IP6K1: variants seen among roughly 807,000 people sequenced by gnomAD.
The protein encoded by IP6K1 is ATP:1D-myo-inositol-hexakisphosphate phosphotransferase.
In IP6K1, 13 loss-of-function variants were observed where a neutral mutation model predicts 38.3. That is an observed-to-expected ratio of 0.34 (90% CI 0.22 to 0.54). The LOEUF is 0.54. Ranked by LOEUF, IP6K1 falls within the 20% of genes least tolerant of loss-of-function variation. IP6K1 has a pLI of 0.92. For synonymous variants in IP6K1, 212 were observed against 229.9 expected, an observed-to-expected ratio of 0.92 and a Z score of 0.70; for missense variants, 397 against 599.8, an observed-to-expected ratio of 0.66 and a Z score of 3.53.
At chr3:49,776,835 A>C (rs2081020601) in intron 1 of IP6K1, among the ~76,000 whole-genome samples, 1 of 152,226 alleles carries the variant, frequency 6.6e-6, no homozygotes. Context: ...TAAGAAACGC[A>C]AATTTAATCT....
chr3:49,744,058 T>G (rs1217890118), intron 2 of IP6K1, among the ~76,000 whole-genome samples: 1 of 152,114 alleles, frequency 6.6e-6, no homozygotes, highest in Non-Finnish European at 1.5e-5. Flanking sequence ...GTTGTCTGCC[T>G]AATGGTGACT....
At chr3:49,763,165 G>A (rs1301390850) in intron 1 of IP6K1, among the ~76,000 whole-genome samples, 1 of 146,148 alleles carries the variant, frequency 6.8e-6, no homozygotes, top group East Asian at 2.0e-4. Context: ...GTGTAGTGGC[G>A]CAATCTCGGC....
Position 49,731,887 on chromosome 3 carries a change from C to CAAAAAAAAA in IP6K1, c.616+895_616+903dup, listed in dbSNP as rs71080545. Among the ~76,000 whole-genome samples the CAAAAAAAAA allele has an allele frequency of 8.3e-4, 54 of 65,320 alleles. 4 individuals carry two copies. The highest frequency in any genetic ancestry group is 5.6e-3 in the Admixed American group (25 of 4,494). The allele number at this position is 65,320 out of a possible 152,430, so 42.9% of individuals were successfully genotyped here. A position where few individuals can be genotyped will look rare whatever the true frequency, so the allele number is the denominator to read the frequency against. On this transcript the variant is annotated intron_variant, in intron 4 of 5. Transcript: ENST00000321599. ...TGGGTAACAGAGTGAGACTCTGTCT[C>CAAAAAAAAA]AAAAAAAAAAAAAAAAAAGGAATTC...
chr3:49,748,763 C>T (rs901800493), intron 1 of IP6K1: 2 of 152,750 alleles, frequency 1.3e-5, no homozygotes, highest in East Asian at 1.9e-4. Context: ...TTCCACAGAA[C>T]GGGTGTGGGG....
chr3:49,769,447 G>A (rs2080939203), intron 1 of IP6K1, among the ~76,000 whole-genome samples: 1 of 152,116 alleles, frequency 6.6e-6, no homozygotes, highest in Non-Finnish European at 1.5e-5. Flanking sequence ...TCACAAACAG[G>A]CCCATATCTA....
intron 4 of IP6K1, 86 bp from the exon 5 acceptor site, chr3:49,728,364 GC>G (rs2080530892): frequency 7.6e-7 from 1 of 1,313,104 alleles, no homozygotes; most frequent in Non-Finnish European, 1.1e-6. Context: ...ATAAAAGGGG[GC>G]TTTTACCTAA....
At chr3:49,747,493 C>G (rs1464475150) in intron 2 of IP6K1, among the ~76,000 whole-genome samples, 5 of 152,160 alleles carry the variant, frequency 3.3e-5, no homozygotes, top group Non-Finnish European at 7.3e-5. Context: ...CATTCCGCCT[C>G]CGGGACGAGA....
In IP6K1 at chr3:49,738,283, G is replaced by A; in HGVS notation, c.363C>T (p.Ser121=). Residue 121 remains serine (S), a synonymous_variant, in exon 3 of 6, where the codon AGC becomes AGT. Coordinates refer to ENST00000321599, the MANE Select transcript of IP6K1 (RefSeq NM_153273.4). ...EQPRRKHSRR[S]LHRSGSGSDH... is the part of the protein sequence containing the mutation. ...CACTGCCACTGCCTGACCGGTGCAG[G>A]CTCCGGCGGGAGTGTTTGCGCCGAG... 6 of 1,614,212 alleles carry A rather than the reference G, an allele frequency of 3.7e-6. No homozygotes were observed. The highest frequency in any genetic ancestry group is 5.1e-6 in the Non-Finnish European group (6 of 1,180,038).
At chr3:49,780,309 TACACACACAC>T (rs71080553) in intron 1 of IP6K1, among the ~76,000 whole-genome samples, 4 of 117,536 alleles carry the variant, frequency 3.4e-5, no homozygotes, top group African/African-American at 9.4e-5. Flanking sequence ...TCATCTTTCA[TACACACACAC>T]ACACACACAC....
At chr3:49,756,863 A>G (rs561947059) in intron 1 of IP6K1, among the ~76,000 whole-genome samples, 3 of 151,318 alleles carry the variant, frequency 2.0e-5, no homozygotes, top group East Asian at 3.9e-4. Flanking sequence ...GAAAGGAGAA[A>G]CAAAGGTGCT....
At chr3:49,751,156 T>TTTTG (rs1553694824) in intron 1 of IP6K1, among the ~76,000 whole-genome samples, 59 of 149,080 alleles carry the variant, frequency 4.0e-4, no homozygotes, top group East Asian at 1.6e-3. Flanking sequence ...TCCTTTTTTT[T>TTTTG]TTGTTGTTGT....
At chr3:49,766,118 G>C (rs773407648) in intron 1 of IP6K1, among the ~76,000 whole-genome samples, 1 of 152,002 alleles carries the variant, frequency 6.6e-6, no homozygotes, top group Non-Finnish European at 1.5e-5. Context: ...GGAGCTTGCC[G>C]TGAGCCGAGA....
chr3:49,732,001 A>G (rs749231383), intron 4 of IP6K1, among the ~76,000 whole-genome samples: 1 of 152,012 alleles, frequency 6.6e-6, no homozygotes, highest in Non-Finnish European at 1.5e-5. Context: ...TAGTGGTGCA[A>G]TCATGGCCCA....
intron 1 of IP6K1, among the ~76,000 whole-genome samples, chr3:49,765,599 G>A (rs1264980847): frequency 1.4e-5 from 2 of 145,910 alleles, no homozygotes; most frequent in African/African-American, 5.1e-5. Flanking sequence ...GCAGGGAGCT[G>A]AGATCGCCAC....
chr3:49,775,660 G>A (rs2092961171), intron 1 of IP6K1: 3 of 604,500 alleles, frequency 5.0e-6, no homozygotes, highest in South Asian at 3.9e-5. Context: ...CTGCTGCAGC[G>A]GCTAGAAAAG....
intron 1 of IP6K1, among the ~76,000 whole-genome samples, chr3:49,783,363 G>A (rs2081084354): frequency 6.6e-6 from 1 of 151,760 alleles, no homozygotes; most frequent in Non-Finnish European, 1.5e-5. Flanking sequence ...TGGCCAACAT[G>A]GTGAAACCCT....
chr3:49,752,007 TTTG>T (rs901854235), intron 1 of IP6K1, among the ~76,000 whole-genome samples: 9 of 152,248 alleles, frequency 5.9e-5, no homozygotes, highest in Non-Finnish European at 1.0e-4. Flanking sequence ...AATGTAATTT[TTTG>T]TTGTTGTTTT....
chr3:49,764,237 C>G (rs2080890107), intron 1 of IP6K1, among the ~76,000 whole-genome samples: 1 of 151,602 alleles, frequency 6.6e-6, no homozygotes, highest in South Asian at 2.1e-4. Flanking sequence ...AAAAAAATAG[C>G]CAGACATGGT....
chr3:49,738,898 C>T lies in IP6K1; in HGVS notation c.224-476G>A, dbSNP rs554955691. Among the ~76,000 whole-genome samples, 152 of 152,268 alleles carry T rather than the reference C, an allele frequency of 1.0e-3. 1 individual carries two copies. The highest frequency in any genetic ancestry group is 2.0e-3 in the Non-Finnish European group (135 of 68,024). ...CGGTCCAAAAAAATCTGTGTTCTGC[C>T]CACACTGAGCATCAGGCTATCCCAG... On this transcript the variant is annotated intron_variant, in intron 2 of 5. Transcript: ENST00000321599.
Sources: gnomAD v4.1 joint callset for allele counts (sites outside exome capture counted in the v4.1 genomes callset) on GRCh38, gnomAD v4.1.1 for gene constraint, MANE v1.5 for transcripts, NCBI Gene and HGNC (gene_info 2026-07-23, HGNC 2026-07-21) for gene names.